Variants in ATXN1 observed in about 807,000 individuals in gnomAD.
ATXN1 encodes the protein ataxin 1.
A neutral mutation model predicts 56.4 loss-of-function variants in ATXN1; 8 were observed. The ratio of observed to expected loss-of-function variants is 0.14; its 90% CI spans 0.08 to 0.26. The LOEUF (loss-of-function observed/expected upper bound fraction) is 0.26. Among genes scored for constraint, ATXN1 ranks in the 10% least tolerant of loss-of-function variants. The probability of loss-of-function intolerance (pLI) is 1.00; values close to 1 mark genes in which losing one functional copy is unlikely to be tolerated. For synonymous variants in ATXN1, 514 were observed against 494.6 expected, an observed-to-expected ratio of 1.04 and a Z score of -0.52; for missense variants, 987 against 1,106.5, an observed-to-expected ratio of 0.89 and a Z score of 1.53.
At chr6:16,703,266 G>T (rs1055349570) in intron 2 of ATXN1, among the ~76,000 whole-genome samples, 1 of 152,106 alleles carries the variant, frequency 6.6e-6, no homozygotes, top group African/African-American at 2.4e-5. Context: ...TCACTCATAG[G>T]TGGGAATTGA....
At chr6:16,553,598 T>A (rs1761960024) in intron 4 of ATXN1, among the ~76,000 whole-genome samples, 1 of 152,228 alleles carries the variant, frequency 6.6e-6, no homozygotes, top group Non-Finnish European at 1.5e-5. Flanking sequence ...GCTTGGTACA[T>A]GGCAGACTCT....
Position 16,378,180 on chromosome 6 carries a change from G to A in ATXN1, c.-160-49710C>T, listed in dbSNP as rs560411245. On this transcript the variant is annotated intron_variant, in intron 6 of 7. Coordinates refer to ENST00000436367, the MANE Select transcript of ATXN1 (RefSeq NM_001128164.2). The stretch of plus-strand genomic sequence containing the variant: ...TCTGGCCAAGTTCTAATTCTTGCAC[G>A]TGCCTTACTTGCTAACTCCTACCCA... 1.2e-4 allele frequency among the ~76,000 whole-genome samples: 19 copies of A among 152,290 alleles called. No homozygotes were observed. The South Asian group carries it at 2.5e-3, about 20-fold the overall frequency.
At chr6:16,695,801 A>C (rs974059440) in intron 2 of ATXN1, among the ~76,000 whole-genome samples, 5 of 152,284 alleles carry the variant, frequency 3.3e-5, no homozygotes, top group African/African-American at 4.8e-5. Context: ...TTTACAAAAA[A>C]TAAATTAAAA....
intron 6 of ATXN1, among the ~76,000 whole-genome samples, chr6:16,429,214 C>T (rs1215351463): frequency 6.6e-6 from 1 of 151,928 alleles, no homozygotes; most frequent in African/African-American, 2.4e-5. Flanking sequence ...AATTTAAATT[C>T]TCTGCCCTAC....
intron 6 of ATXN1, among the ~76,000 whole-genome samples, chr6:16,481,897 C>T (rs952897109): frequency 6.6e-6 from 1 of 152,052 alleles, no homozygotes; most frequent in Non-Finnish European, 1.5e-5. Flanking sequence ...GGGCAGGATG[C>T]TCACAAACAA....
chr6:16,717,430 T>G (rs1266426377), intron 2 of ATXN1, among the ~76,000 whole-genome samples: 1 of 152,216 alleles, frequency 6.6e-6, no homozygotes, highest in Non-Finnish European at 1.5e-5. Context: ...CTTGTTCCGA[T>G]TCCCTGCTCA....
chr6:16,643,885 T>C lies in ATXN1; in HGVS notation c.-489+13891A>G, dbSNP rs540058092. ...TTCCAATACAACCCAGTTTCTGAAA[T>C]TAGAATGAGAACTTATTGATAATTA... is the stretch of plus-strand genomic sequence containing the variant. On this transcript the variant is annotated intron_variant, in intron 3 of 7. Transcript: ENST00000436367. 7.2e-5 allele frequency among the ~76,000 whole-genome samples: 11 copies of C among 152,270 alleles called. No individual in the cohort carries two copies. The East Asian group carries it at 2.1e-3, about 29-fold the overall frequency.
chr6:16,528,134 C>A (rs1304178113), intron 4 of ATXN1, among the ~76,000 whole-genome samples: 1 of 151,946 alleles, frequency 6.6e-6, no homozygotes, highest in East Asian at 1.9e-4. Flanking sequence ...AACCCCGTCT[C>A]TACTAAAAAT....
At chr6:16,459,941 C>G (rs531234640) in intron 6 of ATXN1, among the ~76,000 whole-genome samples, 1 of 152,304 alleles carries the variant, frequency 6.6e-6, no homozygotes, top group Non-Finnish European at 1.5e-5. Context: ...TACAACAAGT[C>G]AAATATCTAA....
chr6:16,610,954 C>CAGG (rs1763095540), intron 3 of ATXN1, among the ~76,000 whole-genome samples: 1 of 151,906 alleles, frequency 6.6e-6, no homozygotes, highest in Admixed American at 6.6e-5. Flanking sequence ...CCTTTAGAGC[C>CAGG]AGGAGGTCAA....
chr6:16,585,555 T>C (rs1159468180), intron 4 of ATXN1, among the ~76,000 whole-genome samples: 1 of 152,166 alleles, frequency 6.6e-6, no homozygotes, highest in Non-Finnish European at 1.5e-5. Flanking sequence ...CTATCCTAAC[T>C]AGTGACCTCA....
chr6:16,435,727 CGGAGGCGGT>C (rs1561894790), intron 6 of ATXN1, among the ~76,000 whole-genome samples: 1 of 152,044 alleles, frequency 6.6e-6, no homozygotes, highest in African/African-American at 2.4e-5. Context: ...CATCTCCTAG[CGGAGGCGGT>C]AGAGCCGTGG....
intron 7 of ATXN1, among the ~76,000 whole-genome samples, chr6:16,318,600 T>A (rs1025463997): frequency 8.5e-5 from 13 of 152,188 alleles, no homozygotes; most frequent in Admixed American, 7.2e-4. Context: ...AGTGTAAGAA[T>A]CTCTGTGAGT....
chr6:16,621,212 T>C (rs924853348), intron 3 of ATXN1, among the ~76,000 whole-genome samples: 1 of 152,170 alleles, frequency 6.6e-6, no homozygotes, highest in South Asian at 2.1e-4. Flanking sequence ...CGCAGCTCAG[T>C]GGGTTATTGC....
chr6:16,590,682 T>C (rs1032481016), intron 3 of ATXN1, among the ~76,000 whole-genome samples: 3 of 151,990 alleles, frequency 2.0e-5, no homozygotes, highest in Non-Finnish European at 2.9e-5. Context: ...TTTTTTTTTT[T>C]TCTTTGAGAC....
At chr6:16,420,912 G>A (rs757052222) in intron 6 of ATXN1, among the ~76,000 whole-genome samples, 3 of 152,060 alleles carry the variant, frequency 2.0e-5, no homozygotes, top group Admixed American at 6.6e-5. Context: ...AAACATGTAC[G>A]TAATCCAATT....
intron 2 of ATXN1, among the ~76,000 whole-genome samples, chr6:16,705,094 G>A (rs376854067): frequency 2.6e-5 from 4 of 152,196 alleles, no homozygotes; most frequent in Admixed American, 1.3e-4. Flanking sequence ...AATATGACAC[G>A]ATTGCCCACA....
intron 2 of ATXN1, among the ~76,000 whole-genome samples, chr6:16,729,511 C>T (rs1304926824): frequency 6.6e-6 from 1 of 152,150 alleles, no homozygotes; most frequent in Non-Finnish European, 1.5e-5. Context: ...TTCTTTCGTT[C>T]GAATTTTAGG....
chr6:16,515,871 TCCC>T (rs1239197851), intron 5 of ATXN1, among the ~76,000 whole-genome samples: 86 of 152,274 alleles, frequency 5.6e-4, no homozygotes, highest in African/African-American at 2.0e-3. Context: ...CATGGAAGCA[TCCC>T]AGACAGGTTA....
Sources: allele counts gnomAD v4.1 joint callset (sites outside exome capture counted in the v4.1 genomes callset), GRCh38; gene constraint gnomAD v4.1.1; transcripts MANE v1.5; gene names NCBI Gene and HGNC (gene_info 2026-07-23, HGNC 2026-07-21).